The following FGF14 variants were observed in gnomAD, a reference collection of about 807,000 sequenced individuals.
FGF14 encodes fibroblast growth factor homologous factor 4.
In FGF14, 5 loss-of-function variants were observed where a neutral mutation model predicts 25.5. The ratio of observed to expected loss-of-function variants is 0.20; its 90% CI spans 0.10 to 0.41. FGF14 has a LOEUF of 0.41. FGF14 is among the 10% of genes least tolerant of loss of function. The pLI is 1.00. For synonymous variants in FGF14, 138 were observed against 118.3 expected (o/e 1.17, Z -1.08); for missense variants, 222 against 320.1 (o/e 0.69, Z 2.34).
At chr13:101,925,893 G>A (rs974348425) in intron 1 of FGF14, among the ~76,000 whole-genome samples, 2 of 152,140 alleles carry the variant, frequency 1.3e-5, no homozygotes, top group Non-Finnish European at 2.9e-5. Flanking sequence ...CCATTTCCCT[G>A]CTGCTTTTTG....
intron 1 of FGF14, among the ~76,000 whole-genome samples, chr13:101,943,630 G>A (rs1354089266): frequency 1.3e-5 from 2 of 152,034 alleles, no homozygotes; most frequent in Non-Finnish European, 2.9e-5. Context: ...CCCGCTGCAT[G>A]CATTCAGACA....
chr13:101,881,707 T>C (rs2045720449), intron 1 of FGF14, among the ~76,000 whole-genome samples: 5 of 152,296 alleles, frequency 3.3e-5, no homozygotes, highest in African/African-American at 1.2e-4. Flanking sequence ...GTGAATGATT[T>C]CATTTGCTCC....
chr13:102,381,039 G>A (rs2058171591), intron 1 of FGF14, among the ~76,000 whole-genome samples: 1 of 152,086 alleles, frequency 6.6e-6, no homozygotes, highest in South Asian at 2.1e-4. Flanking sequence ...GCCTACAGTT[G>A]GGCAAAATCA....
chr13:101,843,102 C>G (rs974262309), intron 3 of FGF14, among the ~76,000 whole-genome samples: 121 of 152,100 alleles, frequency 8.0e-4, no homozygotes, highest in Non-Finnish European at 9.9e-4. Context: ...TAGGGGTGAC[C>G]GAGTTCTAAA....
intron 1 of FGF14, among the ~76,000 whole-genome samples, chr13:102,228,852 A>G (rs957371005): frequency 6.6e-6 from 1 of 152,182 alleles, no homozygotes; most frequent in African/African-American, 2.4e-5. Context: ...GCTGAATATT[A>G]AAATATAAAA....
intron 3 of FGF14, among the ~76,000 whole-genome samples, chr13:101,794,245 G>A (rs1357054229): frequency 2.0e-5 from 3 of 151,880 alleles, no homozygotes; most frequent in Non-Finnish European, 2.9e-5. Context: ...GTAAGCATCT[G>A]TGCTCTCTCT....
chr13:102,187,994 T>C (rs1039112342), intron 1 of FGF14, among the ~76,000 whole-genome samples: 1 of 152,248 alleles, frequency 6.6e-6, no homozygotes, highest in Non-Finnish European at 1.5e-5. Flanking sequence ...AGCTGATTTA[T>C]TGAATTCAGC....
chr13:102,211,823 A>T (rs913495070), intron 1 of FGF14, among the ~76,000 whole-genome samples: 2 of 152,186 alleles, frequency 1.3e-5, no homozygotes, highest in Non-Finnish European at 2.9e-5. Context: ...GGAGCTGGGC[A>T]AGCACTCTAG....
At chr13:101,783,825 T>C (rs910106841) in intron 3 of FGF14, among the ~76,000 whole-genome samples, 2 of 152,192 alleles carry the variant, frequency 1.3e-5, no homozygotes, top group African/African-American at 4.8e-5. Flanking sequence ...TACATTTAAG[T>C]CCTTAATCCA....
At chr13:102,290,259 T>G (rs942853075) in intron 1 of FGF14, among the ~76,000 whole-genome samples, 1 of 152,104 alleles carries the variant, frequency 6.6e-6, no homozygotes, top group Non-Finnish European at 1.5e-5. Context: ...ACAGCTCTCT[T>G]GTCCCTTCTA....
At chr13:101,799,201 T>A (rs1035457572) in intron 3 of FGF14, among the ~76,000 whole-genome samples, 1 of 152,094 alleles carries the variant, frequency 6.6e-6, no homozygotes, top group African/African-American at 2.4e-5. Context: ...GGTTGGAGAC[T>A]TTTTTTCTCC....
chr13:102,140,199 T>C (rs116537413), intron 1 of FGF14, among the ~76,000 whole-genome samples: 1,767 of 152,208 alleles, frequency 0.012, 37 homozygotes, highest in African/African-American at 0.04. Context: ...AATGGGGTCT[T>C]TGAAAAGTTG....
Position 101,816,269 on chromosome 13 carries a change from C to CAAAAA in FGF14, c.408+52451_408+52455dup, listed in dbSNP as rs58615099. 2.9e-3 allele frequency among the ~76,000 whole-genome samples: 256 copies of CAAAAA among 89,020 alleles called. 6 individuals carry two copies. Among genetic ancestry groups the CAAAAA allele is most frequent in the African/African-American group, 0.012 (233 of 20,116 alleles). 58.4% of individuals were successfully genotyped at this position (89,020 alleles called of 152,430 possible). On this transcript the variant is annotated intron_variant, in intron 3 of 4. Transcript: ENST00000376143. Reference sequence around the variant, plus strand: ...TGGGGAACAGAGAGAGACTCCGTCTCAAAAAAAAAAAAAAAATTTGGCTTA... The same window carrying CAAAAA: ...TGGGGAACAGAGAGAGACTCCGTCTCAAAAAAAAAAAAAAAAAAAAATTTGGCTTA...
intron 1 of FGF14, among the ~76,000 whole-genome samples, chr13:101,884,664 A>G (rs1420431823): frequency 6.6e-6 from 1 of 152,172 alleles, no homozygotes; most frequent in African/African-American, 2.4e-5. Flanking sequence ...AAAGTAATGC[A>G]TTCCCTGTCG....
intron 1 of FGF14, among the ~76,000 whole-genome samples, chr13:102,226,379 A>G (rs74109548): frequency 5.3e-5 from 8 of 152,330 alleles, no homozygotes; most frequent in African/African-American, 1.9e-4. Context: ...AATAATAGCT[A>G]GCTATGCTAA....
intron 1 of FGF14, among the ~76,000 whole-genome samples, chr13:101,938,588 T>C (rs2035251465): frequency 6.6e-6 from 1 of 152,234 alleles, no homozygotes; most frequent in African/African-American, 2.4e-5. Context: ...GTATTTATTT[T>C]TCCCTTTTAT....
At chr13:102,180,935 T>C (rs1285901433) in intron 1 of FGF14, among the ~76,000 whole-genome samples, 1 of 152,154 alleles carries the variant, frequency 6.6e-6, no homozygotes, top group African/African-American at 2.4e-5. Flanking sequence ...GGGATTAATT[T>C]CTAATATATT....
At chr13:102,236,512 T>A (rs1208219596) in intron 1 of FGF14, among the ~76,000 whole-genome samples, 1 of 152,242 alleles carries the variant, frequency 6.6e-6, no homozygotes. Context: ...AGCAAACGAC[T>A]GGTGGCACAA....
chr13:102,383,126 T>G (rs2139185458), intron 1 of FGF14, among the ~76,000 whole-genome samples: 1 of 152,254 alleles, frequency 6.6e-6, no homozygotes, highest in East Asian at 1.9e-4. Context: ...AATAAAGCTG[T>G]TACAAAAGTG....
Sources: gnomAD v4.1 joint callset for allele counts (sites outside exome capture counted in the v4.1 genomes callset) on GRCh38, gnomAD v4.1.1 for gene constraint, MANE v1.5 for transcripts, NCBI Gene and HGNC (gene_info 2026-07-23, HGNC 2026-07-21) for gene names.